Variants in ESRRG observed in about 807,000 individuals in gnomAD.
ESRRG encodes estrogen related receptor gamma.
ESRRG carries 13 observed loss-of-function variants against 44.0 expected under a neutral mutation model. The ratio of observed to expected loss-of-function variants is 0.30; its 90% CI spans 0.19 to 0.47. The LOEUF is 0.47. Ranked by LOEUF, ESRRG falls within the 20% of genes least tolerant of loss-of-function variation. The pLI is 1.00. For missense variants in ESRRG, 395 were observed against 580.6 expected (o/e 0.68, Z 3.29); for synonymous variants, 215 against 214.6 (o/e 1.00, Z -0.02).
At chr1:216,992,391 T>C (rs1254785374) in intron 1 of ESRRG, among the ~76,000 whole-genome samples, 8 of 152,260 alleles carry the variant, frequency 5.3e-5, no homozygotes. Context: ...CTGCAAGTTC[T>C]ATTAAAACAA....
chr1:216,574,032 T>C (rs529684100), intron 3 of ESRRG, among the ~76,000 whole-genome samples: 1 of 152,142 alleles, frequency 6.6e-6, no homozygotes, highest in East Asian at 1.9e-4. Context: ...CAATTTCTGT[T>C]TGGACTCCAC....
intron 2 of ESRRG, among the ~76,000 whole-genome samples, chr1:216,887,617 T>G (rs992849623): frequency 1.3e-5 from 2 of 152,324 alleles, no homozygotes; most frequent in South Asian, 2.1e-4. Context: ...GGAACCCCAT[T>G]TTTTTCTGTT....
chr1:216,970,605 T>C lies in ESRRG; in HGVS notation c.-105-30932A>G, dbSNP rs150631389. Among the ~76,000 whole-genome samples the C allele has an allele frequency of 6.6e-5, 10 of 152,318 alleles. No individual in the cohort carries two copies. The East Asian group carries it at 1.9e-3, about 29-fold the overall frequency. On this transcript the variant is annotated intron_variant, in intron 1 of 7. Coordinates refer to the ESRRG transcript ENST00000359162. The stretch of plus-strand genomic sequence containing the variant: ...AGAACCTAATTATTATCTATGAGTG[T>C]TAATATTTTTAACCTAATCATGGTT...
chr1:216,912,061 A>G (rs1346286154), intron 2 of ESRRG, among the ~76,000 whole-genome samples: 1 of 150,324 alleles, frequency 6.7e-6, no homozygotes, highest in Non-Finnish European at 1.5e-5. Flanking sequence ...ATTGTCCCAC[A>G]GCACTCAAGC....
intron 2 of ESRRG, among the ~76,000 whole-genome samples, chr1:216,860,647 C>T (rs918714236): frequency 3.3e-5 from 5 of 152,088 alleles, no homozygotes; most frequent in Non-Finnish European, 5.9e-5. Flanking sequence ...TGAAATATAG[C>T]TTTTAAAAAC....
intron 1 of ESRRG, among the ~76,000 whole-genome samples, chr1:216,714,133 A>C (rs757798578): frequency 1.3e-5 from 2 of 152,168 alleles, no homozygotes; most frequent in Non-Finnish European, 2.9e-5. Context: ...CAGTATCCCA[A>C]ACTGACAACA....
intron 2 of ESRRG, among the ~76,000 whole-genome samples, chr1:216,764,336 C>T (rs2152359080): frequency 6.6e-6 from 1 of 151,804 alleles, no homozygotes; most frequent in East Asian, 1.9e-4. Flanking sequence ...GTGGCACAAT[C>T]TCAGCTCACT....
At chr1:216,606,140 C>G (rs1296865309) in intron 3 of ESRRG, among the ~76,000 whole-genome samples, 3 of 152,164 alleles carry the variant, frequency 2.0e-5, no homozygotes, top group African/African-American at 7.2e-5. Flanking sequence ...CCACCCCCAA[C>G]CCCAACCACC....
chr1:216,775,496 C>G (rs926292648), intron 2 of ESRRG, among the ~76,000 whole-genome samples: 2 of 147,570 alleles, frequency 1.4e-5, no homozygotes, highest in Non-Finnish European at 3.0e-5. Context: ...ACTCTATTCC[C>G]AATTGCTCAA....
Position 216,874,797 on chromosome 1 carries a change from G to T in ESRRG, c.-14+64785C>A, listed in dbSNP as rs141887349. Among the ~76,000 whole-genome samples the T allele has an allele frequency of 1.9e-3, 296 of 152,310 alleles. 2 individuals are homozygous for T. Among genetic ancestry groups the T allele is most frequent in the Middle Eastern group, 6.8e-3 (2 of 294 alleles). ...AGTGGGCACATCTAATCAGCTGCCA[G>T]CACAGCTAGAATAAAGCAGGCAGGA... On this transcript the variant is annotated intron_variant, in intron 2 of 7. Transcript: ENST00000359162.
At chr1:216,994,464 AACACAC>A (rs112022176) in intron 1 of ESRRG, among the ~76,000 whole-genome samples, 12 of 150,856 alleles carry the variant, frequency 8.0e-5, no homozygotes, top group African/African-American at 2.2e-4. Flanking sequence ...CATGTGTGTA[AACACAC>A]ACACACACAC....
chr1:216,866,179 T>C (rs115967919), intron 2 of ESRRG, among the ~76,000 whole-genome samples: 1 of 152,200 alleles, frequency 6.6e-6, no homozygotes, highest in Admixed American at 6.5e-5. Flanking sequence ...CTGTAAAACA[T>C]GCTATCAAGT....
intron 1 of ESRRG, among the ~76,000 whole-genome samples, chr1:216,979,291 C>T (rs1328933019): frequency 1.3e-5 from 2 of 152,194 alleles, no homozygotes; most frequent in African/African-American, 4.8e-5. Flanking sequence ...GGATAAAATG[C>T]CTCTCCTCCC....
chr1:217,000,239 G>T (rs957831101), intron 1 of ESRRG: 1 of 152,206 alleles, frequency 6.6e-6, no homozygotes, highest in African/African-American at 2.4e-5. Context: ...TTAAAAAACA[G>T]AAATTTGTCT....
chr1:216,669,697 C>A (rs1300836509), intron 2 of ESRRG, among the ~76,000 whole-genome samples: 2 of 152,088 alleles, frequency 1.3e-5, no homozygotes, highest in Admixed American at 6.6e-5. Flanking sequence ...ACCAGCCTGG[C>A]CAACATAGTG....
intron 1 of ESRRG, among the ~76,000 whole-genome samples, chr1:217,026,629 T>A (rs1333500154): frequency 6.6e-6 from 1 of 152,168 alleles, no homozygotes; most frequent in East Asian, 1.9e-4. Context: ...ACTATTAATG[T>A]GTAGCCTTTC....
At chr1:216,892,689 G>A (rs969629629) in intron 2 of ESRRG, among the ~76,000 whole-genome samples, 4 of 152,126 alleles carry the variant, frequency 2.6e-5, no homozygotes, top group South Asian at 4.1e-4. Flanking sequence ...TAAATTCAGC[G>A]AAAGGACGAA....
chr1:216,925,499 C>T lies in ESRRG; in HGVS notation c.-14+14083G>A, dbSNP rs17044335. ...AGACAAGCGAGACAGCAGCGGTTCC[C>T]GGAAGGAGTATTTCAATTTTATATC... On this transcript the variant is annotated intron_variant, in intron 2 of 7. Coordinates refer to the ESRRG transcript ENST00000359162. Among the ~76,000 whole-genome samples the T allele has an allele frequency of 8.8e-3, 1,335 of 152,140 alleles. 25 individuals are homozygous for T. The highest frequency in any genetic ancestry group is 0.031 in the African/African-American group (1,272 of 41,518).
At chr1:216,974,513 T>C (rs1305061998) in intron 1 of ESRRG, among the ~76,000 whole-genome samples, 1 of 152,168 alleles carries the variant, frequency 6.6e-6, no homozygotes. Context: ...TTCATAATAT[T>C]TTTATTCCTA....
Sources: gnomAD v4.1 joint callset for allele counts (sites outside exome capture counted in the v4.1 genomes callset) on GRCh38, gnomAD v4.1.1 for gene constraint, MANE v1.5 for transcripts, NCBI Gene and HGNC (gene_info 2026-07-23, HGNC 2026-07-21) for gene names.